The following SULF1 variants were observed in gnomAD, a reference collection of about 807,000 sequenced individuals.
The protein encoded by SULF1 is extracellular sulfatase Sulf-1.
Under a neutral mutation model 110.5 loss-of-function variants are expected in SULF1, and 46 were observed. The observed-to-expected ratio is 0.42, with a 90% confidence interval of 0.33 to 0.53. The LOEUF is 0.53. Among genes scored for constraint, SULF1 ranks in the 20% least tolerant of loss-of-function variants. The pLI, the probability that SULF1 is intolerant of heterozygous loss-of-function variation, is 0.12. For missense variants in SULF1, 941 were observed against 1,094.2 expected, an observed-to-expected ratio of 0.86 and a Z score of 1.98; for synonymous variants, 371 against 387.1, an observed-to-expected ratio of 0.96 and a Z score of 0.49.
At chr8:69,469,725 A>G (rs925675368) in intron 1 of SULF1, among the ~76,000 whole-genome samples, 6 of 152,164 alleles carry the variant, frequency 3.9e-5, no homozygotes, top group African/African-American at 1.2e-4. Flanking sequence ...TCTGTGTTTT[A>G]TATTGAAAAT....
intron 3 of SULF1, among the ~76,000 whole-genome samples, chr8:69,543,636 G>A (rs1228153840): frequency 2.6e-5 from 4 of 152,108 alleles, no homozygotes; most frequent in African/African-American, 9.7e-5. Context: ...ATGGGCATTT[G>A]GGTTGATTCC....
intron 22 of SULF1, among the ~76,000 whole-genome samples, chr8:69,645,333 A>G (rs757851354): frequency 6.6e-6 from 1 of 152,166 alleles, no homozygotes; most frequent in Admixed American, 6.5e-5. Flanking sequence ...AGAAGAAACT[A>G]AAGTATAGCA....
intron 1 of SULF1, among the ~76,000 whole-genome samples, chr8:69,493,845 T>G (rs1382783890): frequency 6.6e-6 from 1 of 152,252 alleles, no homozygotes; most frequent in Non-Finnish European, 1.5e-5. Flanking sequence ...TAAAGAGTGC[T>G]GAATTAACAG....
intron 8 of SULF1, among the ~76,000 whole-genome samples, chr8:69,590,688 G>C (rs1037967652): frequency 1.3e-5 from 2 of 152,268 alleles, no homozygotes; most frequent in East Asian, 1.9e-4. Context: ...AAATATCATC[G>C]ACAAATCATG....
intron 1 of SULF1, among the ~76,000 whole-genome samples, chr8:69,470,557 G>T (rs1809039747): frequency 6.6e-6 from 1 of 151,686 alleles, no homozygotes; most frequent in South Asian, 2.1e-4. Flanking sequence ...TCTCCCACAT[G>T]TGGCCCATAG....
chr8:69,528,975 T>A (rs1019320618), intron 3 of SULF1, among the ~76,000 whole-genome samples: 2 of 152,150 alleles, frequency 1.3e-5, no homozygotes, highest in Non-Finnish European at 2.9e-5. Context: ...AAATTAGTAA[T>A]GAAAAAGGAA....
At chr8:69,576,960 A>T (rs1200349059) in intron 6 of SULF1, among the ~76,000 whole-genome samples, 1 of 152,258 alleles carries the variant, frequency 6.6e-6, no homozygotes, top group Admixed American at 6.5e-5. Context: ...AGGAGTTCAG[A>T]TAAATATTCT....
chr8:69,600,807 A>C (rs1807741353), intron 9 of SULF1, 54 bp downstream of exon 9: 5 of 1,560,724 alleles, frequency 3.2e-6, no homozygotes, highest in Admixed American at 1.9e-5. Context: ...TCCTTTGTGT[A>C]GACTTATTCT....
intron 13 of SULF1, among the ~76,000 whole-genome samples, chr8:69,612,806 C>T (rs1808767425): frequency 6.6e-6 from 1 of 152,182 alleles, no homozygotes; most frequent in Admixed American, 6.5e-5. Flanking sequence ...TGTGGGTTGT[C>T]TGTTTACTCT....
intron 1 of SULF1, among the ~76,000 whole-genome samples, chr8:69,480,425 A>T (rs1475040241): frequency 6.6e-6 from 1 of 152,226 alleles, no homozygotes; most frequent in Non-Finnish European, 1.5e-5. Context: ...ATATTTGGTC[A>T]ATATTAGGGA....
At chr8:69,467,803 A>G (rs1438320983) in intron 1 of SULF1, among the ~76,000 whole-genome samples, 1 of 152,236 alleles carries the variant, frequency 6.6e-6, no homozygotes, top group Non-Finnish European at 1.5e-5. Flanking sequence ...AGACAAACAG[A>G]AAGGATTTAA....
At chr8:69,488,602 T>C (rs1809793418), upstream of SULF1, among the ~76,000 whole-genome samples, 1 of 152,160 alleles carries the variant, frequency 6.6e-6, no homozygotes, top group Non-Finnish European at 1.5e-5. Flanking sequence ...GAAAATTCCA[T>C]TTAGTATTAC....
At chr8:69,586,547 T>G (rs1191802679) in intron 7 of SULF1, 39 bp downstream of exon 7, 3 of 1,587,602 alleles carry the variant, frequency 1.9e-6, no homozygotes, top group Admixed American at 1.8e-5. Flanking sequence ...CAATTTACTT[T>G]GTGCATAATG....
In SULF1 at chr8:69,472,739, A is replaced by C. The variant is rs577459338; in HGVS notation, c.-391+5789A>C. Reference sequence around the variant, plus strand: ...AGAGGCATTAACAATCACATTTGACACCATCGTCACCTGTAGCCGCTAAGC... The same window carrying C: ...AGAGGCATTAACAATCACATTTGACCCCATCGTCACCTGTAGCCGCTAAGC... On this transcript the variant is annotated intron_variant, in intron 1 of 22. Coordinates refer to the SULF1 transcript ENST00000260128. 2.6e-5 allele frequency among the ~76,000 whole-genome samples: 4 copies of C among 152,296 alleles called. No homozygotes were observed. The South Asian group carries it at 8.3e-4, about 32-fold the overall frequency.
At chr8:69,654,097 G>A (rs1281090454) in intron 22 of SULF1, among the ~76,000 whole-genome samples, 1 of 152,200 alleles carries the variant, frequency 6.6e-6, no homozygotes, top group African/African-American at 2.4e-5. Context: ...CCTTTTAGGA[G>A]TCTGGTATAA....
chr8:69,622,184 C>T (rs1163757525), intron 14 of SULF1, among the ~76,000 whole-genome samples: 9 of 152,148 alleles, frequency 5.9e-5, no homozygotes, highest in East Asian at 3.9e-4. Context: ...TAAAGGAATC[C>T]GTAAGCCAAA....
At chr8:69,470,832 A>G (rs1484495787) in intron 1 of SULF1, among the ~76,000 whole-genome samples, 2 of 152,070 alleles carry the variant, frequency 1.3e-5, no homozygotes, top group Admixed American at 6.6e-5. Flanking sequence ...AATCCCCACA[A>G]CCTCAGAAGT....
chr8:69,599,760 C>T (rs911804582), intron 8 of SULF1, among the ~76,000 whole-genome samples: 5 of 152,004 alleles, frequency 3.3e-5, no homozygotes, highest in African/African-American at 1.2e-4. Context: ...ATGTTACGTA[C>T]CCATGGCAGA....
intron 5 of SULF1, among the ~76,000 whole-genome samples, chr8:69,571,408 T>A (rs73293338): frequency 0.052 from 7,928 of 152,302 alleles, 514 homozygotes; most frequent in African/African-American, 0.16. Context: ...AAAGGATAAA[T>A]GACTTGCTCA....
Sources: gnomAD v4.1 joint callset for allele counts (sites outside exome capture counted in the v4.1 genomes callset) on GRCh38, gnomAD v4.1.1 for gene constraint, MANE v1.5 for transcripts, NCBI Gene and HGNC (gene_info 2026-07-23, HGNC 2026-07-21) for gene names.